ACSM3: variants seen among roughly 807,000 people sequenced by gnomAD.
The protein encoded by ACSM3 is acyl-coenzyme A synthetase ACSM3, mitochondrial.
ACSM3 carries 61 observed loss-of-function variants against 74.1 expected under a neutral mutation model. The observed-to-expected ratio is 0.82, with a 90% CI of 0.67 to 1.02. The LOEUF (loss-of-function observed/expected upper bound fraction) is 1.02, where lower values mean the gene tolerates loss of function less well. Among genes scored for constraint, ACSM3 ranks in the 50% least tolerant of loss-of-function variants. The pLI, the probability that ACSM3 is intolerant of heterozygous loss-of-function variation, is 0.00. For synonymous variants in ACSM3, 213 were observed against 241.5 expected (o/e 0.88, Z 1.09); for missense variants, 660 against 697.0 (o/e 0.95, Z 0.60).
intron 1 of ACSM3, among the ~76,000 whole-genome samples, chr16:20,706,525 T>G (rs2079728819): frequency 1.3e-5 from 2 of 152,178 alleles, no homozygotes; most frequent in South Asian, 4.1e-4. Context: ...AGGCAGGAGT[T>G]GTAAAACCCC....
intron 1 of ACSM3, among the ~76,000 whole-genome samples, chr16:20,764,440 A>T (rs1228310984): frequency 2.0e-5 from 3 of 152,190 alleles, no homozygotes; most frequent in African/African-American, 7.2e-5. Flanking sequence ...TAATTGAACC[A>T]GATGCGGTGG....
At chr16:20,751,069 G>A (rs564695048) in intron 2 of ACSM3, among the ~76,000 whole-genome samples, 28 of 152,022 alleles carry the variant, frequency 1.8e-4, no homozygotes, top group Non-Finnish European at 2.6e-4. Flanking sequence ...CTCAAAATCC[G>A]TCTGCCTCAG....
At chr16:20,710,058 T>C (rs965616817) in intron 1 of ACSM3, among the ~76,000 whole-genome samples, 1 of 152,222 alleles carries the variant, frequency 6.6e-6, no homozygotes, top group Admixed American at 6.5e-5. Context: ...CAAACTACCT[T>C]CTCTCTTTCA....
intron 1 of ACSM3, among the ~76,000 whole-genome samples, chr16:20,696,268 T>C (rs1231840661): frequency 6.6e-6 from 1 of 152,236 alleles, no homozygotes; most frequent in Non-Finnish European, 1.5e-5. Flanking sequence ...TCTCTATCAC[T>C]ATCTCTGTCT....
At chr16:20,761,955 G>A (rs1266665202), upstream of ACSM3, among the ~76,000 whole-genome samples, 3 of 152,174 alleles carry the variant, frequency 2.0e-5, no homozygotes, top group African/African-American at 4.8e-5. Flanking sequence ...GCCACTGCAC[G>A]TGCAGACAGC....
intron 4 of ACSM3, 46 bp downstream of exon 4, chr16:20,777,626 C>A: frequency 6.6e-7 from 1 of 1,515,884 alleles, no homozygotes; most frequent in Non-Finnish European, 9.1e-7. Flanking sequence ...AAAGGAAAGG[C>A]AACAATAAAA....
In ACSM3 at chr16:20,738,778, C is replaced by G; in HGVS notation, c.-189-11132C>G. 7 of 1,147,550 alleles carry G rather than the reference C, an allele frequency of 6.1e-6. No individual in the cohort carries two copies. In the South Asian group the frequency reaches 1.0e-4, roughly 16 times the overall value. 71.1% of individuals were successfully genotyped at this position (1,147,550 alleles called of 1,614,324 possible). On this transcript the variant is annotated intron_variant, in intron 1 of 3. Transcript: ENST00000561584. The stretch of plus-strand genomic sequence containing the variant: ...CAACTGCTAATACAGTGTACAGAAG[C>G]TGCCATCAAATGATTAACTGAGTCA...
At chr16:20,738,869 C>A in intron 1 of ACSM3, 3 of 1,609,510 alleles carry the variant, frequency 1.9e-6, no homozygotes, top group Non-Finnish European at 2.5e-6. Flanking sequence ...GTTATGAGAT[C>A]GATAATCTTA....
rs374026354 is a variant in ACSM3 at position 20,739,544 on chromosome 16, G to C, written c.-189-10366G>C. Reference sequence around the variant, plus strand: ...CCCTTCAAAACGTGGAGCAAGGCCGGAAGTGGTGGCTCATGCCCATAATCC... The same window carrying C: ...CCCTTCAAAACGTGGAGCAAGGCCGCAAGTGGTGGCTCATGCCCATAATCC... On this transcript the variant is annotated intron_variant, in intron 1 of 3. Coordinates refer to the ACSM3 transcript ENST00000561584. Among the ~76,000 whole-genome samples, 139 of 152,226 alleles carry C rather than the reference G, an allele frequency of 9.1e-4. 4 individuals are homozygous for C. In the South Asian group the frequency reaches 0.028, roughly 31 times the overall value.
At chr16:20,755,933 T>G (rs1260535251) in intron 3 of ACSM3, among the ~76,000 whole-genome samples, 1 of 152,030 alleles carries the variant, frequency 6.6e-6, no homozygotes, top group African/African-American at 2.4e-5. Context: ...GACTTCCAAT[T>G]TCATCCGTGT....
At chr16:20,756,888 G>C (rs2080035824) in intron 3 of ACSM3, among the ~76,000 whole-genome samples, 1 of 152,168 alleles carries the variant, frequency 6.6e-6, no homozygotes, top group Non-Finnish European at 1.5e-5. Flanking sequence ...TTATTAAATA[G>C]GGAATCCTTT....
At chr16:20,762,374 A>C (rs1424962770), upstream of ACSM3, among the ~76,000 whole-genome samples, 1 of 152,164 alleles carries the variant, frequency 6.6e-6, no homozygotes, top group East Asian at 1.9e-4. Context: ...GAATTTACTC[A>C]ACCTGAACAA....
At position 20,728,178 on chromosome 16, in the gene ACSM3, A is replaced by G. The variant is rs1182945655; in HGVS notation, c.-189-21732A>G. The G allele has an allele frequency of 1.8e-5, 6 of 327,716 alleles. No homozygotes were observed. The East Asian group carries it at 4.3e-4, about 23-fold the overall frequency. The allele number at this position is 327,716 out of a possible 1,614,324, so 20.3% of individuals were successfully genotyped here. ...CCTCTCAATGGGAATAATTTGTGCC[A>G]ATCAGAAAGGACAAAAAATTAAACC... is the stretch of plus-strand genomic sequence containing the variant. On this transcript the variant is annotated intron_variant, in intron 1 of 3. Coordinates refer to the ACSM3 transcript ENST00000561584.
chr16:20,766,795 T>C (rs1302458448), intron 1 of ACSM3, among the ~76,000 whole-genome samples: 1 of 152,210 alleles, frequency 6.6e-6, no homozygotes, highest in East Asian at 1.9e-4. Flanking sequence ...AATGAAGATC[T>C]CTGCGCACTG....
chr16:20,729,970 T>A (rs2079820773), intron 1 of ACSM3, among the ~76,000 whole-genome samples: 1 of 152,148 alleles, frequency 6.6e-6, no homozygotes, highest in Non-Finnish European at 1.5e-5. Context: ...TTACACAGGT[T>A]AACAATCCTC....
intron 7 of ACSM3, among the ~76,000 whole-genome samples, chr16:20,784,032 C>T (rs2080414055): frequency 6.6e-6 from 1 of 152,164 alleles, no homozygotes; most frequent in Non-Finnish European, 1.5e-5. Context: ...TCTCGAACTC[C>T]TGATGTCAGG....
intron 2 of ACSM3, among the ~76,000 whole-genome samples, chr16:20,773,321 G>A (rs2080216318): frequency 6.6e-6 from 1 of 151,380 alleles, no homozygotes. Context: ...ATTTTGTTTT[G>A]TTGATCTTTT....
At chr16:20,791,901 C>G (rs1248382814) in intron 10 of ACSM3, 101 bp from the exon 11 acceptor site, 1 of 1,415,218 alleles carries the variant, frequency 7.1e-7, no homozygotes, top group African/African-American at 1.4e-5. Flanking sequence ...GCACTCCAGC[C>G]TGGGTAACAG....
chr16:20,762,026 C>T (rs80189463), upstream of ACSM3, among the ~76,000 whole-genome samples: 2,613 of 152,284 alleles, frequency 0.017, 79 homozygotes, highest in African/African-American at 0.06. Flanking sequence ...ATGTATAAAA[C>T]GCAAAGTCAA....
Sources: gnomAD v4.1 joint callset for allele counts (sites outside exome capture counted in the v4.1 genomes callset) on GRCh38, gnomAD v4.1.1 for gene constraint, MANE v1.5 for transcripts, NCBI Gene and HGNC (gene_info 2026-07-23, HGNC 2026-07-21) for gene names.